Variants in MEI4 observed in about 807,000 individuals in gnomAD.
MEI4 encodes the protein meiosis-specific protein MEI4.
Under a neutral mutation model 31.4 loss-of-function variants are expected in MEI4, and 27 were observed. The observed-to-expected ratio is 0.86, with a 90% CI of 0.63 to 1.19. The LOEUF is 1.19. MEI4 is among the 50% of genes most tolerant of loss of function. The pLI is 0.00. For synonymous variants in MEI4, 122 were observed against 145.4 expected (o/e 0.84, Z 1.16); for missense variants, 329 against 398.9 (o/e 0.82, Z 1.49).
At chr6:77,877,803 A>C (rs1014121417) in intron 4 of MEI4, among the ~76,000 whole-genome samples, 1 of 150,900 alleles carries the variant, frequency 6.6e-6, no homozygotes, top group Non-Finnish European at 1.5e-5. Flanking sequence ...CCTCCCTTCA[A>C]AAAGTTTTAT....
intron 2 of MEI4, among the ~76,000 whole-genome samples, chr6:77,707,759 C>T (rs1766363699): frequency 6.6e-6 from 1 of 152,222 alleles, no homozygotes; most frequent in Non-Finnish European, 1.5e-5. Context: ...TCACTGCATC[C>T]CTGCTACTAC....
At chr6:77,870,090 T>G (rs1400593701) in intron 4 of MEI4, among the ~76,000 whole-genome samples, 2 of 152,152 alleles carry the variant, frequency 1.3e-5, no homozygotes, top group African/African-American at 4.8e-5. Context: ...ACAATACAGG[T>G]GGTCCCCAAC....
chr6:77,698,536 T>A (rs1366320695), intron 2 of MEI4, among the ~76,000 whole-genome samples: 1 of 152,204 alleles, frequency 6.6e-6, no homozygotes, highest in Admixed American at 6.5e-5. Context: ...AAACTTAGTT[T>A]GGCTGGATGT....
At chr6:77,657,692 C>T (rs1364626571) in intron 1 of MEI4, among the ~76,000 whole-genome samples, 2 of 152,132 alleles carry the variant, frequency 1.3e-5, no homozygotes, top group Non-Finnish European at 2.9e-5. Context: ...CTTTCAAGAC[C>T]CCAACTTCCC....
Position 77,845,824 on chromosome 6 carries a change from CTG to C in MEI4, c.900+16766_900+16767del, listed in dbSNP as rs762998178. ...AATTTTTTCAAGTTCAAAAGTAAAA[CTG>C]TGTAGATTTTCATTGAGATATTTGT... On this transcript the variant is annotated intron_variant, in intron 4 of 4. Transcript: ENST00000684080. Among the ~76,000 whole-genome samples, 128 of 149,742 alleles carry C rather than the reference CTG, an allele frequency of 8.5e-4. 2 individuals are homozygous for C. Among genetic ancestry groups the C allele is most frequent in the Admixed American group, 1.7e-3 (25 of 15,022 alleles).
chr6:77,804,102 A>G (rs1247916975), intron 3 of MEI4, among the ~76,000 whole-genome samples: 3 of 152,142 alleles, frequency 2.0e-5, no homozygotes, highest in Admixed American at 6.5e-5. Flanking sequence ...GGCCTCCTTG[A>G]GGTGCGGTGG....
chr6:77,776,269 T>G (rs544828944), intron 3 of MEI4, among the ~76,000 whole-genome samples: 2 of 152,092 alleles, frequency 1.3e-5, no homozygotes, highest in Non-Finnish European at 2.9e-5. Context: ...TGTGGATATC[T>G]TTTGAGGGCT....
At chr6:77,884,106 T>G (rs1771566899) in intron 4 of MEI4, among the ~76,000 whole-genome samples, 1 of 152,150 alleles carries the variant, frequency 6.6e-6, no homozygotes, top group South Asian at 2.1e-4. Flanking sequence ...CCCTTATGAC[T>G]AATGATGTTG....
At chr6:77,765,045 G>A (rs535828613) in intron 3 of MEI4, among the ~76,000 whole-genome samples, 10 of 152,252 alleles carry the variant, frequency 6.6e-5, no homozygotes, top group South Asian at 2.1e-4. Flanking sequence ...TTTTAGCACA[G>A]TGATCAATAG....
chr6:77,805,162 T>G (rs765552809), intron 3 of MEI4, among the ~76,000 whole-genome samples: 57 of 152,234 alleles, frequency 3.7e-4, no homozygotes, highest in Admixed American at 7.9e-4. Flanking sequence ...GTAAATAATA[T>G]GTAAAAATAT....
intron 1 of MEI4, among the ~76,000 whole-genome samples, chr6:77,658,264 G>A (rs562545997): frequency 5.9e-5 from 9 of 152,242 alleles, no homozygotes; most frequent in African/African-American, 2.2e-4. Context: ...CCTTCTTAAG[G>A]GTGGGGGAGA....
chr6:77,816,962 T>C (rs549053098), intron 3 of MEI4, among the ~76,000 whole-genome samples: 29 of 152,252 alleles, frequency 1.9e-4, no homozygotes, highest in African/African-American at 7.0e-4. Flanking sequence ...AGTCATATTA[T>C]TGAATGAAGC....
At chr6:77,914,050 T>G (rs1459590644) in intron 4 of MEI4, among the ~76,000 whole-genome samples, 1 of 111,266 alleles carries the variant, frequency 9.0e-6, no homozygotes, top group Admixed American at 9.3e-5. Flanking sequence ...AAAAAAAAAC[T>G]TTCGTTGATG....
intron 3 of MEI4, among the ~76,000 whole-genome samples, chr6:77,825,471 G>C (rs1296362689): frequency 1.3e-5 from 2 of 152,168 alleles, no homozygotes; most frequent in Admixed American, 6.5e-5. Flanking sequence ...CAGTCTAACA[G>C]AAATCACTGG....
At chr6:77,818,700 G>A (rs1038380716) in intron 3 of MEI4, among the ~76,000 whole-genome samples, 3 of 151,940 alleles carry the variant, frequency 2.0e-5, no homozygotes, top group South Asian at 2.1e-4. Flanking sequence ...TTACCTATTC[G>A]TACATTGTTA....
At chr6:77,729,705 GAT>G (rs1235001778) in intron 2 of MEI4, among the ~76,000 whole-genome samples, 2 of 152,152 alleles carry the variant, frequency 1.3e-5, no homozygotes, top group Non-Finnish European at 2.9e-5. Flanking sequence ...GTAGAGAACA[GAT>G]ATGAGAATCC....
At chr6:77,790,831 A>C (rs62415489) in intron 3 of MEI4, among the ~76,000 whole-genome samples, 20,886 of 152,178 alleles carry the variant, frequency 0.14, 1,523 homozygotes, top group Middle Eastern at 0.21. Flanking sequence ...AAACAAATTT[A>C]CAAGAAAAAA....
chr6:77,747,150 A>G (rs530481994), intron 2 of MEI4, among the ~76,000 whole-genome samples: 29 of 152,192 alleles, frequency 1.9e-4, no homozygotes, highest in African/African-American at 7.0e-4. Context: ...CATCTCTACT[A>G]AAAATGCAAA....
At chr6:77,674,303 CG>C (rs1768801027) in intron 1 of MEI4, among the ~76,000 whole-genome samples, 1 of 151,858 alleles carries the variant, frequency 6.6e-6, no homozygotes, top group Non-Finnish European at 1.5e-5. Context: ...TATAAAAAAG[CG>C]CAACAAAATG....
Sources: allele counts gnomAD v4.1 joint callset (sites outside exome capture counted in the v4.1 genomes callset), GRCh38; gene constraint gnomAD v4.1.1; transcripts MANE v1.5; gene names NCBI Gene and HGNC (gene_info 2026-07-23, HGNC 2026-07-21).